Variants in ZNF630 observed in about 807,000 individuals in gnomAD.
ZNF630 encodes dJ54B20.2 (novel KRAB box containing C2H2 type zinc finger protein).
A neutral mutation model predicts 7.2 loss-of-function variants in ZNF630; 5 were observed. The ratio of observed to expected loss-of-function variants is 0.70; its 90% CI spans 0.36 to 1.46. The LOEUF (loss-of-function observed/expected upper bound fraction) is 1.46, where lower values mean the gene tolerates loss of function less well. Ranked by LOEUF, ZNF630 falls within the 40% of genes most tolerant of loss-of-function variation. ZNF630 has a pLI of 0.03. For synonymous variants in ZNF630, 158 were observed against 162.8 expected, an observed-to-expected ratio of 0.97 and a Z score of 0.23; for missense variants, 461 against 477.0, an observed-to-expected ratio of 0.97 and a Z score of 0.31.
Position 48,059,454 on chromosome X carries a change from G to A in ZNF630, c.988C>T (p.Arg330Trp), listed in dbSNP as rs369582989. The A allele has an allele frequency of 2.5e-5, 30 of 1,206,104 alleles. 1 individual carries two copies. The highest frequency in any genetic ancestry group is 3.5e-5 in the African/African-American group (2 of 56,628). ...TGATGAACAGTGAAAGGTGACTTCC[G>A]GGAGAATGCTCTTCCATACTTAGTA... ...ECTKYGRAFSRKSPFTVHQRV... is the reference protein window; with the variant it reads ...ECTKYGRAFSWKSPFTVHQRV... Residue 330 changes from arginine to tryptophan, a missense_variant, in exon 5 of 5, where the codon CGG becomes TGG. Physicochemically the swap from Arg to Trp is moderately radical, Grantham distance 101. Coordinates refer to ENST00000276054, the MANE Select transcript of ZNF630 (RefSeq NM_001282201.2).
intron 2 of ZNF630, chrX:48,061,844 CTG>C: frequency 3.3e-6 from 1 of 302,680 alleles, no homozygotes; most frequent in South Asian, 3.1e-5. Flanking sequence ...CCCCGTGGAA[CTG>C]TGAGTCAATT....
Position 48,060,234 on chromosome X carries a change from TAC to T in ZNF630, c.239-33_239-32del, listed in dbSNP as rs56253151. 1,602 of 566,585 alleles carry T rather than the reference TAC, an allele frequency of 2.8e-3. 20 individuals are homozygous for T. The African/African-American group carries it at 0.032, about 11-fold the overall frequency. The allele number at this position is 566,585 out of a possible 1,213,427, so 46.7% of individuals were successfully genotyped here. A position where few individuals can be genotyped will look rare whatever the true frequency, so the allele number is the denominator to read the frequency against. On this transcript the variant is annotated intron_variant, in intron 4 of 4. Transcript: ENST00000276054. ...GGAAGAAGAAAGAGGGAAAATCAAA[TAC>T]ACACACACACACACACACACACACA...
In ZNF630 at chrX:48,066,881, A is replaced by G; in HGVS notation, c.6T>C (p.Ile2=). 1.7e-6 allele frequency: 2 copies of G among 1,207,765 alleles called. No homozygotes were observed. Among genetic ancestry groups the G allele is most frequent in the Non-Finnish European group, 2.2e-6 (2 of 892,831 alleles). The change falls in exon 2 of 5, where the codon ATT becomes ATC. Residue 2 remains isoleucine (I), a synonymous_variant. Coordinates refer to ENST00000276054, the MANE Select transcript of ZNF630 (RefSeq NM_001282201.2). The part of the protein sequence containing the change: M[I]ESQEPVTFED... ...CAAACAAATAACTTACCTGGGACTC[A>G]ATCATTTTCTGTTTCTCTTTGGAAA...
Position 48,058,457 on chromosome X carries a change from C to T in ZNF630, c.*11G>A. On this transcript the variant is annotated 3_prime_UTR_variant, in exon 5 of 5. Coordinates refer to ENST00000276054, the MANE Select transcript of ZNF630 (RefSeq NM_001282201.2). ...ATGAGGACTGACTTCTGGGAATAGG[C>T]CTTCCCACAATCAGCATATATACAA... 3 of 1,150,417 alleles carry T rather than the reference C, an allele frequency of 2.6e-6. No homozygotes were observed. The highest frequency in any genetic ancestry group is 3.5e-6 in the Non-Finnish European group (3 of 866,537). The allele number at this position is 1,150,417 out of a possible 1,213,427, so 94.8% of individuals were successfully genotyped here. A position where few individuals can be genotyped will look rare whatever the true frequency, so the allele number is the denominator to read the frequency against.
chrX:48,063,667 C>T (rs1377396570), intron 2 of ZNF630, among the ~76,000 whole-genome samples: 4 of 110,779 alleles, frequency 3.6e-5, no homozygotes, highest in African/African-American at 1.3e-4. Context: ...GTGGGCAGAT[C>T]ACTTGAGGTC....
In ZNF630 at chrX:48,059,578, C is replaced by T. The variant is rs782191449; in HGVS notation, c.864G>A (p.Glu288=). Residue 288 remains glutamate, a synonymous_variant, in exon 5 of 5, where the codon GAG becomes GAA. Coordinates refer to ENST00000276054, the MANE Select transcript of ZNF630 (RefSeq NM_001282201.2). ...TACAATCTCCACATACATATGGTTT[C>T]TCTCCAGTATGAATTCTTTGATGTA... The part of the protein sequence containing the change: ...LIIHQRIHTG[E]KPYVCGDCRK... 4.1e-6 allele frequency: 5 copies of T among 1,208,189 alleles called. No individual in the cohort carries two copies. The highest frequency in any genetic ancestry group is 5.6e-6 in the Non-Finnish European group (5 of 893,165).
chrX:48,064,472 C>T (rs1045589045), intron 2 of ZNF630, among the ~76,000 whole-genome samples: 4 of 111,100 alleles, frequency 3.6e-5, no homozygotes, highest in African/African-American at 9.9e-5. Context: ...TGGTTTTACA[C>T]GTTTTCTTTT....
intron 2 of ZNF630, among the ~76,000 whole-genome samples, chrX:48,065,484 G>A (rs1245234943): frequency 1.2e-5 from 1 of 80,243 alleles, no homozygotes; most frequent in African/African-American, 3.9e-5. Flanking sequence ...AGAGAGGGAG[G>A]GAGGGAGGGA....
At chrX:48,064,791 G>A (rs1001772490) in intron 2 of ZNF630, among the ~76,000 whole-genome samples, 4 of 111,003 alleles carry the variant, frequency 3.6e-5, no homozygotes, top group Middle Eastern at 9.1e-3. Context: ...TTTAATGATT[G>A]AAAAAAAAGT....
chrX:48,061,838 G>A (rs1378266114), intron 2 of ZNF630: 9 of 303,284 alleles, frequency 3.0e-5, no homozygotes, highest in African/African-American at 2.2e-4. Flanking sequence ...CCCCACCCCC[G>A]TGGAACTGTG....
In ZNF630 at chrX:48,058,265, T is replaced by C; in HGVS notation, c.*203A>G. 1 of 363,471 alleles carries C rather than the reference T, an allele frequency of 2.8e-6. No individual in the cohort carries two copies. Among genetic ancestry groups the C allele is most frequent in the Non-Finnish European group, 4.6e-6 (1 of 216,251 alleles). The allele number at this position is 363,471 out of a possible 1,213,427, so 30.0% of individuals were successfully genotyped here. ...ATTCTGTGAAGAGGGCTGAGACAGT[T>C]TGAGGGTGAGCAAATTGATTCCATA... On this transcript the variant is annotated 3_prime_UTR_variant, in exon 5 of 5. Coordinates refer to ENST00000276054, the MANE Select transcript of ZNF630 (RefSeq NM_001282201.2).
At position 48,058,935 on chromosome X, in the gene ZNF630, T is replaced by C. The variant is rs1556908376; in HGVS notation, c.1507A>G (p.Ile503Val). Residue 503 changes from isoleucine to valine, a missense_variant, in exon 5 of 5, where the codon ATC (isoleucine) becomes GTC (valine). By Grantham distance (29) the Ile-to-Val change is conservative. Transcript: ENST00000276054. Reference protein sequence around the residue: ...GKSFSQKSPLIIHQRIHTGEK... With the variant: ...GKSFSQKSPLVIHQRIHTGEK... Reference sequence around the variant, plus strand: ...CCTGTATGAATTCTCTGGTGTATGATAAGAGGTGATTTCTGAGAGAAGGAT... The same window carrying C: ...CCTGTATGAATTCTCTGGTGTATGACAAGAGGTGATTTCTGAGAGAAGGAT... 5.8e-6 allele frequency: 7 copies of C among 1,208,533 alleles called. No individual in the cohort carries two copies. Among genetic ancestry groups the C allele is most frequent in the Non-Finnish European group, 3.4e-6 (3 of 893,225 alleles).
chrX:48,065,497 GAGGA>G (rs1224208378), intron 2 of ZNF630, among the ~76,000 whole-genome samples: 17 of 103,377 alleles, frequency 1.6e-4, no homozygotes, highest in Non-Finnish European at 2.8e-4. Context: ...GGGAGGGAGG[GAGGA>G]AGGAAGGAAG....
rs782102349 is a variant in ZNF630 at position 48,068,647 on chromosome X, T to A, written c.-175-1586A>T. Among the ~76,000 whole-genome samples, 795 of 110,785 alleles carry A rather than the reference T, an allele frequency of 7.2e-3. 18 individuals are homozygous for A. The highest frequency in any genetic ancestry group is 0.024 in the African/African-American group (742 of 30,335). On this transcript the variant is annotated intron_variant, in intron 1 of 4. Coordinates refer to ENST00000276054, the MANE Select transcript of ZNF630 (RefSeq NM_001282201.2). ...TTAGCTCATGGCTGTATTTTTTTTT[T>A]AAAAAGCAACATGTCATATTTGGCC...
In ZNF630 at chrX:48,060,690, A is replaced by G. The variant is rs1030883590; in HGVS notation, c.142+129T>C. The G allele has an allele frequency of 1.4e-5, 13 of 923,349 alleles. No individual in the cohort carries two copies. In the East Asian group the frequency reaches 4.4e-4, roughly 31 times the overall value. 76.1% of individuals were successfully genotyped at this position (923,349 alleles called of 1,213,427 possible). A position where few individuals can be genotyped will look rare whatever the true frequency, so the allele number is the denominator to read the frequency against. On this transcript the variant is annotated intron_variant, in intron 3 of 4. Transcript: ENST00000276054. ...AATTCTAGATATAACAAAAGTATAA[A>G]CATGAAAAACCAAAACTATAAAAGA...
Position 48,057,907 on chromosome X carries a change from T to C in ZNF630, c.*561A>G, listed in dbSNP as rs2059077208. ...CCCATCTCTACTAAAAATACAAAAA[T>C]TAGCCGGGCCTGGTGGTGCATGCCT... is the stretch of plus-strand genomic sequence containing the variant. On this transcript the variant is annotated 3_prime_UTR_variant, in exon 5 of 5. Coordinates refer to ENST00000276054, the MANE Select transcript of ZNF630 (RefSeq NM_001282201.2). Among the ~76,000 whole-genome samples the C allele has an allele frequency of 9.1e-6, 1 of 109,333 alleles. No homozygotes were observed. Among genetic ancestry groups the C allele is most frequent in the African/African-American group, 3.3e-5 (1 of 29,870 alleles). The allele number at this position is 109,333 out of a possible 115,157, so 94.9% of individuals were successfully genotyped here. A position where few individuals can be genotyped will look rare whatever the true frequency, so the allele number is the denominator to read the frequency against.
chrX:48,058,679 A>C lies in ZNF630; in HGVS notation c.1763T>G (p.Ile588Arg). 1 of 1,207,769 alleles carries C rather than the reference A, an allele frequency of 8.3e-7. No individual in the cohort carries two copies. The highest frequency in any genetic ancestry group is 1.1e-6 in the Non-Finnish European group (1 of 892,782). The stretch of plus-strand genomic sequence containing the variant: ...CTCCCTAGGATGAGTTTTCTGATGT[A>C]TAATGAGTGGAGACTTTCCACAGAA... ...KAFCGKSPLI[I>R]HQKTHPREKT... The change falls in exon 5 of 5, where the codon ATA (isoleucine) becomes AGA (arginine). Residue 588 changes from isoleucine (I) to arginine (R), a missense_variant. Ile to Arg is a moderately conservative substitution (Grantham distance 97). Transcript: ENST00000276054.
chrX:48,060,385 C>T lies in ZNF630; in HGVS notation c.238+65G>A, dbSNP rs1300961233. The T allele has an allele frequency of 2.8e-5, 30 of 1,073,488 alleles. 1 individual carries two copies. The highest frequency in any genetic ancestry group is 8.3e-5 in the South Asian group (4 of 48,450). The allele number at this position is 1,073,488 out of a possible 1,213,427, so 88.5% of individuals were successfully genotyped here. A position where few individuals can be genotyped will look rare whatever the true frequency, so the allele number is the denominator to read the frequency against. On this transcript the variant is annotated intron_variant, in intron 4 of 4. Transcript: ENST00000276054. ...AAATTTTAAGGAAGAAAAAAGGTAA[C>T]GGATGTCAGAGATGTCAAGGAAGAA...
intron 1 of ZNF630, 104 bp from the exon 2 acceptor site, chrX:48,067,165 A>C (rs1556910211): frequency 6.4e-6 from 2 of 314,192 alleles, no homozygotes; most frequent in Non-Finnish European, 1.1e-5. Context: ...AATGCCCAGC[A>C]CTAAAGACTG....
Sources: gnomAD v4.1 joint callset for allele counts (sites outside exome capture counted in the v4.1 genomes callset) on GRCh38, gnomAD v4.1.1 for gene constraint, MANE v1.5 for transcripts, NCBI Gene and HGNC (gene_info 2026-07-23, HGNC 2026-07-21) for gene names.